The following ANO4 variants were observed in gnomAD, a reference collection of about 807,000 sequenced individuals.
The protein encoded by ANO4 is anoctamin 4.
A neutral mutation model predicts 141.9 loss-of-function variants in ANO4; 69 were observed. The observed-to-expected ratio is 0.49, with a 90% CI of 0.40 to 0.59. The LOEUF (loss-of-function observed/expected upper bound fraction) is 0.59, where lower values mean the gene tolerates loss of function less well. Among genes scored for constraint, ANO4 ranks in the 20% least tolerant of loss-of-function variants. The pLI is 0.00. For missense variants in ANO4, 894 were observed against 1,162.2 expected (o/e 0.77, Z 3.36); for synonymous variants, 350 against 394.3 (o/e 0.89, Z 1.33).
intron 1 of ANO4, among the ~76,000 whole-genome samples, chr12:100,855,005 TCTC>T (rs2038090021): frequency 2.0e-5 from 3 of 151,936 alleles, no homozygotes; most frequent in African/African-American, 4.8e-5. Flanking sequence ...CATTTTTTTT[TCTC>T]CTCATACGCT....
intron 5 of ANO4, among the ~76,000 whole-genome samples, chr12:100,966,741 G>A (rs2043671352): frequency 6.6e-6 from 1 of 151,766 alleles, no homozygotes; most frequent in African/African-American, 2.4e-5. Flanking sequence ...AATGGCAACA[G>A]GAATCATGAG....
chr12:101,073,998 C>T (rs550023998), intron 14 of ANO4, among the ~76,000 whole-genome samples: 37 of 152,088 alleles, frequency 2.4e-4, no homozygotes, highest in African/African-American at 8.0e-4. Context: ...TACAATTAAT[C>T]GAGTGTCAGA....
chr12:100,807,981 T>C (rs2035164267), intron 1 of ANO4, among the ~76,000 whole-genome samples: 2 of 152,204 alleles, frequency 1.3e-5, no homozygotes, highest in Admixed American at 1.3e-4. Flanking sequence ...AGCATTTAGG[T>C]TGATTTCATA....
chr12:100,965,278 A>G (rs1392978772), intron 5 of ANO4, among the ~76,000 whole-genome samples: 2 of 151,706 alleles, frequency 1.3e-5, no homozygotes, highest in South Asian at 2.1e-4. Context: ...CACCCTCCTT[A>G]TTTGTTCAGT....
intron 9 of ANO4, among the ~76,000 whole-genome samples, chr12:101,021,792 AT>A (rs2046539840): frequency 6.6e-6 from 1 of 152,156 alleles, no homozygotes; most frequent in African/African-American, 2.4e-5. Flanking sequence ...GAGATTTGAG[AT>A]TTTTCAAATG....
At chr12:100,721,267 G>C (rs537378360) in intron 1 of ANO4, among the ~76,000 whole-genome samples, 1 of 152,262 alleles carries the variant, frequency 6.6e-6, no homozygotes, top group South Asian at 2.1e-4. Flanking sequence ...CCTTAACCCA[G>C]GGTTACTAGA....
intron 8 of ANO4, among the ~76,000 whole-genome samples, chr12:101,015,652 G>A (rs748762216): frequency 2.4e-4 from 37 of 152,154 alleles, no homozygotes; most frequent in Non-Finnish European, 4.6e-4. Flanking sequence ...AGATTAGATG[G>A]TATGTAGTGA....
At chr12:100,747,863 A>C (rs1175436247) in intron 3 of ANO4, among the ~76,000 whole-genome samples, 1 of 152,220 alleles carries the variant, frequency 6.6e-6, no homozygotes, top group Non-Finnish European at 1.5e-5. Flanking sequence ...ACAAGAGCAT[A>C]ACTCTGTCTT....
chr12:100,832,526 G>A (rs1321840393), intron 1 of ANO4, among the ~76,000 whole-genome samples: 1 of 152,066 alleles, frequency 6.6e-6, no homozygotes, highest in Non-Finnish European at 1.5e-5. Context: ...ATCACCTCAG[G>A]AGTCATTCTG....
At chr12:100,890,776 G>T (rs912248262) in intron 1 of ANO4, among the ~76,000 whole-genome samples, 2 of 152,278 alleles carry the variant, frequency 1.3e-5, no homozygotes, top group Middle Eastern at 3.4e-3. Context: ...TACAATTGAT[G>T]AACCTACATT....
chr12:100,756,154 C>T (rs2032602123), intron 3 of ANO4, among the ~76,000 whole-genome samples: 1 of 152,018 alleles, frequency 6.6e-6, no homozygotes. Flanking sequence ...TTTATATTAT[C>T]CATCTATACT....
chr12:101,014,281 G>A (rs1234056341), intron 8 of ANO4, among the ~76,000 whole-genome samples: 1 of 152,178 alleles, frequency 6.6e-6, no homozygotes, highest in African/African-American at 2.4e-5. Context: ...CAGGAGGTCT[G>A]TAACTAAAAC....
In ANO4 at chr12:100,918,421, G is replaced by T. The variant is rs1012508143; in HGVS notation, c.56-3805G>T. ...ATTTCACAGCTGAGGGATAACTTCTGTACCTATTTTGAGTATTTTCTTCCT... is the reference window on the plus strand; with the variant it reads ...ATTTCACAGCTGAGGGATAACTTCTTTACCTATTTTGAGTATTTTCTTCCT... On this transcript the variant is annotated intron_variant, in intron 2 of 27. Coordinates refer to ENST00000392977, the MANE Select transcript of ANO4 (RefSeq NM_001286615.2). 2.6e-5 allele frequency among the ~76,000 whole-genome samples: 4 copies of T among 152,162 alleles called. No homozygotes were observed. The South Asian group carries it at 8.3e-4, about 32-fold the overall frequency.
At chr12:100,918,492 A>T (rs2136090493) in intron 2 of ANO4, among the ~76,000 whole-genome samples, 1 of 152,340 alleles carries the variant, frequency 6.6e-6, no homozygotes, top group South Asian at 2.1e-4. Context: ...TTTAATATGC[A>T]GTCATGCACC....
intron 18 of ANO4, 31 bp downstream of exon 18, chr12:101,094,323 T>G: frequency 6.3e-7 from 1 of 1,576,656 alleles, no homozygotes; most frequent in Non-Finnish European, 8.7e-7. Context: ...TTCATAGAAC[T>G]GTACTGTGGG....
chr12:100,728,604 A>G (rs2136781997), intron 1 of ANO4, among the ~76,000 whole-genome samples: 1 of 152,318 alleles, frequency 6.6e-6, no homozygotes, highest in African/African-American at 2.4e-5. Flanking sequence ...CATCTGCATA[A>G]TAGAGTTATA....
At chr12:100,717,312 C>A (rs2030636035), upstream of ANO4, among the ~76,000 whole-genome samples, 1 of 151,776 alleles carries the variant, frequency 6.6e-6, no homozygotes, top group African/African-American at 2.4e-5. Flanking sequence ...CTCTCTCCTG[C>A]CGCTCTCGCG....
In ANO4 at chr12:101,003,834, C is replaced by A. The variant is rs963492988; in HGVS notation, c.734+16164C>A. On this transcript the variant is annotated intron_variant, in intron 8 of 27. Transcript: ENST00000392977. ...TAAATGTTTTGTTCTGAACACCTAG[C>A]ATATTTTTAGAAAAGGAATTTTCCA... is the stretch of plus-strand genomic sequence containing the variant. Among the ~76,000 whole-genome samples, 4 of 152,172 alleles carry A rather than the reference C, an allele frequency of 2.6e-5. No homozygotes were observed. In the East Asian group the frequency reaches 7.7e-4, roughly 29 times the overall value.
At chr12:100,948,120 C>G (rs184246047) in intron 5 of ANO4, among the ~76,000 whole-genome samples, 1 of 133,354 alleles carries the variant, frequency 7.5e-6, no homozygotes, top group African/African-American at 3.0e-5. Flanking sequence ...CACTGCACTG[C>G]AGCCTGGGTG....
Sources: allele counts gnomAD v4.1 joint callset (sites outside exome capture counted in the v4.1 genomes callset), GRCh38; gene constraint gnomAD v4.1.1; transcripts MANE v1.5; gene names NCBI Gene and HGNC (gene_info 2026-07-23, HGNC 2026-07-21).